The following GALK2 variants were observed in gnomAD, a reference collection of about 807,000 sequenced individuals.
The protein encoded by GALK2 is galactokinase 2.
Under a neutral mutation model 52.4 loss-of-function variants are expected in GALK2, and 36 were observed. That is an observed-to-expected ratio of 0.69 (90% CI 0.53 to 0.91). The LOEUF (loss-of-function observed/expected upper bound fraction) is 0.91, where lower values mean the gene tolerates loss of function less well. Among genes scored for constraint, GALK2 ranks in the 40% least tolerant of loss-of-function variants. The pLI, the probability that GALK2 is intolerant of heterozygous loss-of-function variation, is 0.00. For synonymous variants in GALK2, 176 were observed against 199.1 expected, an observed-to-expected ratio of 0.88 and a Z score of 0.98; for missense variants, 579 against 559.1, an observed-to-expected ratio of 1.04 and a Z score of -0.36.
chr15:49,165,809 T>G (rs1316115178), upstream of GALK2, among the ~76,000 whole-genome samples: 1 of 150,638 alleles, frequency 6.6e-6, no homozygotes, highest in African/African-American at 2.4e-5. Context: ...TCTTTTTTTT[T>G]TTTTTTTTAT....
intron 8 of GALK2, among the ~76,000 whole-genome samples, chr15:49,300,456 T>G (rs1418163073): frequency 6.6e-6 from 1 of 152,076 alleles, no homozygotes; most frequent in Non-Finnish European, 1.5e-5. Context: ...ATATTGACAT[T>G]TGAGGGTTTG....
At chr15:49,270,112 A>G (rs1354602372) in intron 5 of GALK2, among the ~76,000 whole-genome samples, 3 of 152,242 alleles carry the variant, frequency 2.0e-5, no homozygotes, top group South Asian at 2.1e-4. Context: ...TTTTTATTCT[A>G]TTTGTACCAA....
chr15:49,319,096 A>T, intron 8 of GALK2: 1 of 376,270 alleles, frequency 2.7e-6, no homozygotes. Context: ...GATTACATGC[A>T]CCCACCATCA....
intron 5 of GALK2, among the ~76,000 whole-genome samples, chr15:49,260,224 A>G (rs2092032973): frequency 6.6e-6 from 1 of 151,742 alleles, no homozygotes; most frequent in South Asian, 2.1e-4. Context: ...CTATTTCTCC[A>G]CATCCTCTCC....
intron 1 of GALK2, among the ~76,000 whole-genome samples, chr15:49,184,461 A>T (rs1200776184): frequency 6.6e-6 from 1 of 152,164 alleles, no homozygotes; most frequent in Non-Finnish European, 1.5e-5. Context: ...TGGAGAGCTG[A>T]GTCCATTTAC....
chr15:49,180,096 C>T (rs181873291), intron 1 of GALK2, among the ~76,000 whole-genome samples: 3 of 152,130 alleles, frequency 2.0e-5, no homozygotes, highest in East Asian at 3.9e-4. Flanking sequence ...GACTGCCTTC[C>T]CAAGGAAGTC....
intron 1 of GALK2, among the ~76,000 whole-genome samples, chr15:49,186,623 T>C (rs2086365358): frequency 6.7e-6 from 1 of 148,386 alleles, no homozygotes; most frequent in African/African-American, 2.5e-5. Context: ...CACTGCAACC[T>C]CCGCCTCCCG....
At chr15:49,201,290 C>T in intron 2 of GALK2, 40 bp downstream of exon 2, 1 of 1,101,564 alleles carries the variant, frequency 9.1e-7, no homozygotes, top group South Asian at 1.4e-5. Context: ...TTTCTTCATC[C>T]TTTGATAAGA....
chr15:49,264,264 C>T (rs909065758), intron 5 of GALK2, among the ~76,000 whole-genome samples: 1 of 151,924 alleles, frequency 6.6e-6, no homozygotes, highest in African/African-American at 2.4e-5. Context: ...AGGCTTTGCT[C>T]ATTTCTTTTT....
chr15:49,230,599 G>C lies in GALK2; in HGVS notation c.267-5252G>C, dbSNP rs149013190. On this transcript the variant is annotated intron_variant, in intron 3 of 9. Coordinates refer to ENST00000560031, the MANE Select transcript of GALK2 (RefSeq NM_002044.4). ...ACCAGATGCCTACAGGCATTCTTCT[G>C]TGCCTCCGACTTCATATTTTTTTTG... is the stretch of plus-strand genomic sequence containing the variant. 8.8e-3 allele frequency among the ~76,000 whole-genome samples: 1,339 copies of C among 152,236 alleles called. 17 individuals are homozygous for C. The highest frequency in any genetic ancestry group is 0.01 in the Non-Finnish European group (712 of 68,022).
intron 5 of GALK2, among the ~76,000 whole-genome samples, chr15:49,248,442 T>C (rs1049401025): frequency 6.6e-6 from 1 of 152,176 alleles, no homozygotes; most frequent in Non-Finnish European, 1.5e-5. Flanking sequence ...GTATGGCCTC[T>C]GAAAAGATGG....
intron 3 of GALK2, among the ~76,000 whole-genome samples, chr15:49,348,960 T>G (rs1426655966): frequency 6.6e-6 from 1 of 152,216 alleles, no homozygotes. Flanking sequence ...ATTTCCCCCC[T>G]TATTCTTCCG....
At chr15:49,164,773 T>A in intron 1 of GALK2, among the ~76,000 whole-genome samples, 1 of 21,908 alleles carries the variant, frequency 4.6e-5, no homozygotes, top group African/African-American at 1.7e-4. Flanking sequence ...AAAGCAAAAC[T>A]CCGTCTCAAA....
At chr15:49,223,089 T>C (rs555438154) in intron 3 of GALK2, 1 of 152,328 alleles carries the variant, frequency 6.6e-6, no homozygotes, top group Admixed American at 6.5e-5. Context: ...TTATGTTTTT[T>C]GTTTCTTCCT....
intron 2 of GALK2, among the ~76,000 whole-genome samples, chr15:49,207,586 G>A (rs1476816695): frequency 6.6e-6 from 1 of 151,962 alleles, no homozygotes; most frequent in Non-Finnish European, 1.5e-5. Context: ...TAGGAGGGTT[G>A]TATTTTTCCA....
intron 1 of GALK2, among the ~76,000 whole-genome samples, chr15:49,191,250 T>C (rs2086701514): frequency 6.6e-6 from 1 of 152,140 alleles, no homozygotes; most frequent in South Asian, 2.1e-4. Flanking sequence ...TAGGTTACTT[T>C]TTGTTGTTAA....
intron 5 of GALK2, among the ~76,000 whole-genome samples, chr15:49,280,250 A>G (rs1402384223): frequency 1.3e-5 from 2 of 152,210 alleles, no homozygotes; most frequent in Non-Finnish European, 2.9e-5. Context: ...TCAATACATG[A>G]TAATAGAGTT....
chr15:49,302,637 T>C (rs1256174958), intron 8 of GALK2, among the ~76,000 whole-genome samples: 1 of 152,178 alleles, frequency 6.6e-6, no homozygotes, highest in Non-Finnish European at 1.5e-5. Context: ...ATGAAGGAAA[T>C]TGATTTAAAT....
chr15:49,335,452 C>A (rs115493412), downstream of GALK2: 931 of 1,613,518 alleles, frequency 5.8e-4, 8 homozygotes, highest in African/African-American at 0.011. Context: ...TGCAAATTGT[C>A]TTTTTGCCTC....
Sources: gnomAD v4.1 joint callset for allele counts (sites outside exome capture counted in the v4.1 genomes callset) on GRCh38, gnomAD v4.1.1 for gene constraint, MANE v1.5 for transcripts, NCBI Gene and HGNC (gene_info 2026-07-23, HGNC 2026-07-21) for gene names.